The following TSEN2 variants were observed in gnomAD, a reference collection of about 807,000 sequenced individuals.
TSEN2 encodes the protein tRNA splicing endonuclease subunit 2, also known as tRNA-splicing endonuclease subunit Sen2.
TSEN2 carries 54 observed loss-of-function variants against 59.2 expected under a neutral mutation model. The ratio of observed to expected loss-of-function variants is 0.91; its 90% CI spans 0.73 to 1.14. The LOEUF (loss-of-function observed/expected upper bound fraction) is 1.14. Ranked by LOEUF, TSEN2 falls within the 50% of genes most tolerant of loss-of-function variation. The probability of loss-of-function intolerance (pLI) is 0.00; values close to 1 mark genes in which losing one functional copy is unlikely to be tolerated. For synonymous variants in TSEN2, 195 were observed against 198.2 expected (o/e 0.98, Z 0.14); for missense variants, 636 against 576.2 (o/e 1.10, Z -1.06).
chr3:12,494,156 T>G (rs1334798031), intron 3 of TSEN2, among the ~76,000 whole-genome samples: 1 of 152,230 alleles, frequency 6.6e-6, no homozygotes, highest in African/African-American at 2.4e-5. Context: ...CACAGGGCTA[T>G]TCATGCAACA....
chr3:12,496,373 A>G, intron 3 of TSEN2, 145 bp from the exon 4 acceptor site: 1 of 821,416 alleles, frequency 1.2e-6, no homozygotes. Flanking sequence ...CATAGAAAGC[A>G]TATTTTTGCC....
At chr3:12,502,901 A>G (rs2054444437) in intron 4 of TSEN2, among the ~76,000 whole-genome samples, 2 of 151,732 alleles carry the variant, frequency 1.3e-5, no homozygotes, top group African/African-American at 2.4e-5. Flanking sequence ...GTGAAACCCC[A>G]TCTCTACTAA....
intron 4 of TSEN2, among the ~76,000 whole-genome samples, chr3:12,500,063 G>C (rs765200482): frequency 6.6e-6 from 1 of 152,180 alleles, no homozygotes; most frequent in Non-Finnish European, 1.5e-5. Flanking sequence ...GTGTCCTTGC[G>C]GTCCTGGATG....
At chr3:12,500,859 T>G (rs151098955) in intron 4 of TSEN2, among the ~76,000 whole-genome samples, 1 of 152,190 alleles carries the variant, frequency 6.6e-6, no homozygotes, top group Non-Finnish European at 1.5e-5. Context: ...ACTGCTCTGC[T>G]GCAAAGAGCA....
intron 7 of TSEN2, among the ~76,000 whole-genome samples, chr3:12,517,853 G>C (rs986330136): frequency 2.0e-5 from 3 of 152,006 alleles, no homozygotes; most frequent in Non-Finnish European, 4.4e-5. Context: ...TGGAAATTCA[G>C]CCTTCTCTAT....
rs745482906 is a variant in TSEN2, at chr3:12,503,455, G to A, written c.502G>A (p.Glu168Lys). 5 of 1,614,086 alleles carry A rather than the reference G, an allele frequency of 3.1e-6. No homozygotes were observed. Among genetic ancestry groups the A allele is most frequent in the Non-Finnish European group, 4.2e-6 (5 of 1,180,046 alleles). ...VSNMEGTAGG[E>K]RPSVVNGDSG... The stretch of plus-strand genomic sequence containing the variant: ...CAACATGGAAGGCACAGCAGGGGGA[G>A]AGAGACCTTCTGTGGTAAACGGGGA... Residue 168 changes from glutamate (E) to lysine (K), a missense_variant, in exon 5 of 12, where the codon GAG becomes AAG. By Grantham distance (56) the Glu-to-Lys change is moderately conservative. Transcript: ENST00000284995.
intron 4 of TSEN2, among the ~76,000 whole-genome samples, chr3:12,500,275 T>C (rs867085968): frequency 1.3e-5 from 2 of 152,198 alleles, no homozygotes; most frequent in African/African-American, 2.4e-5. Flanking sequence ...CTCTGACCCA[T>C]GTGTCGTTGT....
chr3:12,497,426 C>T (rs62240773), intron 4 of TSEN2, among the ~76,000 whole-genome samples: 4,210 of 152,260 alleles, frequency 0.028, 94 homozygotes, highest in Non-Finnish European at 0.041. Context: ...CCATAGCCAG[C>T]GGGGTGGCAA....
Position 12,499,052 on chromosome 3 carries a change from A to G in TSEN2, c.308+2498A>G, listed in dbSNP as rs190827684. On this transcript the variant is annotated intron_variant, in intron 4 of 11. Coordinates refer to ENST00000284995, the MANE Select transcript of TSEN2 (RefSeq NM_025265.4). ...CAGGATTACAGGTGTGAGCCACTGC[A>G]CCTGGCCATAATTGTTTCTTTTCTG... Among the ~76,000 whole-genome samples, 117 of 152,192 alleles carry G rather than the reference A, an allele frequency of 7.7e-4. 1 individual carries two copies. Among genetic ancestry groups the G allele is most frequent in the African/African-American group, 2.7e-3 (110 of 41,506 alleles).
intron 6 of TSEN2, among the ~76,000 whole-genome samples, chr3:12,513,989 A>G (rs2055782146): frequency 6.6e-6 from 1 of 152,192 alleles, no homozygotes; most frequent in African/African-American, 2.4e-5. Context: ...GTCTTTCAAC[A>G]CAAGCATTGA....
chr3:12,514,744 A>T (rs1290842569), intron 6 of TSEN2: 1 of 152,208 alleles, frequency 6.6e-6, no homozygotes, highest in Admixed American at 6.5e-5. Flanking sequence ...AATTGGAACA[A>T]TGCAGAGATT....
chr3:12,504,000 C>T (rs2054565576), intron 5 of TSEN2, among the ~76,000 whole-genome samples: 1 of 152,042 alleles, frequency 6.6e-6, no homozygotes, highest in South Asian at 2.1e-4. Flanking sequence ...TAAGACAAGG[C>T]CAGTGGTATT....
intron 7 of TSEN2, among the ~76,000 whole-genome samples, chr3:12,518,042 G>T (rs1559339442): frequency 6.6e-6 from 1 of 152,078 alleles, no homozygotes; most frequent in African/African-American, 2.4e-5. Context: ...AGACTTGATT[G>T]TTTCAGTAAC....
chr3:12,491,727 T>A (rs1308737798), intron 2 of TSEN2, among the ~76,000 whole-genome samples: 1 of 152,246 alleles, frequency 6.6e-6, no homozygotes, highest in Non-Finnish European at 1.5e-5. Flanking sequence ...GGCGAACCTC[T>A]TGTTAACTCA....
chr3:12,483,183 C>G (rs1247837496), upstream of TSEN2, among the ~76,000 whole-genome samples: 1 of 152,198 alleles, frequency 6.6e-6, no homozygotes, highest in Non-Finnish European at 1.5e-5. Flanking sequence ...TGAGACCAGC[C>G]TGGCCAACGT....
chr3:12,495,721 A>ACAT (rs2053682100), intron 3 of TSEN2, among the ~76,000 whole-genome samples: 1 of 152,208 alleles, frequency 6.6e-6, no homozygotes. Flanking sequence ...TTAAAGCTGA[A>ACAT]CATCATCTCT....
intron 4 of TSEN2, among the ~76,000 whole-genome samples, chr3:12,497,175 G>C (rs755635065): frequency 3.9e-5 from 6 of 152,180 alleles, no homozygotes; most frequent in African/African-American, 4.8e-5. Context: ...GGTTTAGACT[G>C]TCGGTGCTTG....
chr3:12,514,990 C>A lies in TSEN2; in HGVS notation c.910-1621C>A, dbSNP rs1333285894. ...TCTTGCATCTGCTTCTTGATTCAGTCTTGGGCCATCACACGTCTTATAGTC... is the reference window on the plus strand; with the variant it reads ...TCTTGCATCTGCTTCTTGATTCAGTATTGGGCCATCACACGTCTTATAGTC... On this transcript the variant is annotated intron_variant, in intron 6 of 11. Coordinates refer to ENST00000284995, the MANE Select transcript of TSEN2 (RefSeq NM_025265.4). The A allele has an allele frequency of 3.3e-5, 5 of 152,160 alleles. No individual in the cohort carries two copies. In the East Asian group the frequency reaches 9.6e-4, roughly 29 times the overall value. The allele number at this position is 152,160 out of a possible 1,614,324, so 9.4% of individuals were successfully genotyped here.
intron 1 of TSEN2, among the ~76,000 whole-genome samples, chr3:12,487,352 C>T (rs1417076583): frequency 1.3e-5 from 2 of 152,216 alleles, no homozygotes; most frequent in Non-Finnish European, 2.9e-5. Flanking sequence ...TTCTTTCGAT[C>T]AAGTGTCACA....
Sources: gnomAD v4.1 joint callset for allele counts (sites outside exome capture counted in the v4.1 genomes callset) on GRCh38, gnomAD v4.1.1 for gene constraint, MANE v1.5 for transcripts, NCBI Gene and HGNC (gene_info 2026-07-23, HGNC 2026-07-21) for gene names.